The following FIRRM variants were observed in gnomAD, a reference collection of about 807,000 sequenced individuals.
FIRRM encodes FIGNL1-interacting regulator of recombination and mitosis.
At chr1:169,798,537 G>A in the FIRRM span, among the ~76,000 whole-genome samples, 2 of 151,916 alleles carry the variant, frequency 1.3e-5, no homozygotes, top group South Asian at 2.1e-4. Context: ...AAAGTGCTGG[G>A]ATTACAGGTG....
At chr1:169,847,902 A>G in the FIRRM span, 4 of 738,570 alleles carry the variant, frequency 5.4e-6, no homozygotes, top group African/African-American at 1.8e-5. Context: ...TTTTGCAATT[A>G]CTGACAAAGT....
chr1:169,821,690 C>G, the FIRRM span: 1 of 1,610,076 alleles, frequency 6.2e-7, no homozygotes, highest in Non-Finnish European at 8.5e-7. Context: ...ATAATGCTGA[C>G]TACAGATTAT....
At chr1:169,836,852 T>C in the FIRRM span, 1 of 1,065,680 alleles carries the variant, frequency 9.4e-7, no homozygotes, top group South Asian at 1.7e-5. Flanking sequence ...ATGTGGAAAC[T>C]AATACTTAGC....
chr1:169,843,562 T>C, the FIRRM span: 1 of 656,452 alleles, frequency 1.5e-6, no homozygotes, highest in Non-Finnish European at 2.7e-6. Flanking sequence ...AGGTAATAAA[T>C]ATAAAATACT....
At chr1:169,792,735 A>G in the FIRRM span, 2 of 1,613,788 alleles carry the variant, frequency 1.2e-6, no homozygotes, top group African/African-American at 2.7e-5. Context: ...TTGCTGGCCA[A>G]AAGTACACGT....
chr1:169,837,941 A>T, the FIRRM span, among the ~76,000 whole-genome samples: 4 of 152,210 alleles, frequency 2.6e-5, no homozygotes, highest in South Asian at 4.1e-4. Context: ...CATAATTATT[A>T]TAATTTTTTG....
At chr1:169,792,721 T>C in the FIRRM span, 1 of 1,613,910 alleles carries the variant, frequency 6.2e-7, no homozygotes, top group Non-Finnish European at 8.5e-7. Context: ...CAAAATAATG[T>C]GCTTTGCTGG....
the FIRRM span, among the ~76,000 whole-genome samples, chr1:169,841,603 CA>C: frequency 6.6e-6 from 1 of 152,084 alleles, no homozygotes; most frequent in Non-Finnish European, 1.5e-5. Flanking sequence ...AAAGTTAATC[CA>C]GAAAACATTG....
the FIRRM span, among the ~76,000 whole-genome samples, chr1:169,841,072 C>T: frequency 9.9e-5 from 15 of 152,234 alleles, no homozygotes; most frequent in Non-Finnish European, 1.2e-4. Flanking sequence ...TTCAGTACGA[C>T]GTTGGCTGTG....
At chr1:169,838,247 A>AG in the FIRRM span, among the ~76,000 whole-genome samples, 1 of 152,194 alleles carries the variant, frequency 6.6e-6, no homozygotes, top group East Asian at 1.9e-4. Context: ...GCTTATCCAA[A>AG]GGAAATGTTT....
the FIRRM span, among the ~76,000 whole-genome samples, chr1:169,785,305 A>G: frequency 6.6e-5 from 10 of 152,170 alleles, no homozygotes; most frequent in African/African-American, 2.4e-4. Flanking sequence ...TGAAAGCCCA[A>G]GTGGGCATGT....
At chr1:169,847,601 C>G in the FIRRM span, 1 of 945,260 alleles carries the variant, frequency 1.1e-6, no homozygotes, top group Non-Finnish European at 1.6e-6. Flanking sequence ...TTCCCCTCCC[C>G]ACATTTCCAT....
chr1:169,843,968 T>C, the FIRRM span, among the ~76,000 whole-genome samples: 8 of 152,210 alleles, frequency 5.3e-5, no homozygotes, highest in Non-Finnish European at 8.8e-5. Flanking sequence ...ATTCAGCCTT[T>C]ATCTGTTCTT....
At chr1:169,853,489 C>T in the FIRRM span, 1 of 496,484 alleles carries the variant, frequency 2.0e-6, no homozygotes, top group East Asian at 3.3e-5. Context: ...TGCACAAAGG[C>T]TCTTCCTCCT....
the FIRRM span, chr1:169,832,464 A>T: frequency 1.9e-6 from 3 of 1,613,748 alleles, no homozygotes; most frequent in Non-Finnish European, 2.5e-6. Flanking sequence ...ACCTATCAAT[A>T]CTGTTGAAGC....
the FIRRM span, chr1:169,784,829 T>C: frequency 1.3e-5 from 2 of 152,200 alleles, no homozygotes; most frequent in Non-Finnish European, 2.9e-5. Flanking sequence ...TGAGTTACTA[T>C]ACAACACAAG....
At chr1:169,824,408 A>T in the FIRRM span, among the ~76,000 whole-genome samples, 1 of 152,198 alleles carries the variant, frequency 6.6e-6, no homozygotes, top group African/African-American at 2.4e-5. Flanking sequence ...TGAGTATACA[A>T]ATATGCTGTT....
chr1:169,832,768 T>C, the FIRRM span, among the ~76,000 whole-genome samples: 1 of 151,996 alleles, frequency 6.6e-6, no homozygotes, highest in Non-Finnish European at 1.5e-5. Flanking sequence ...TACGCCTGGC[T>C]AATTTTTAAA....
chr1:169,847,340 A>G, the FIRRM span, among the ~76,000 whole-genome samples: 1,205 of 135,132 alleles, frequency 8.9e-3, 5 homozygotes, highest in African/African-American at 0.014. Context: ...AAAAAAAAAA[A>G]GCAGTATCTT....
Sources: allele counts gnomAD v4.1 joint callset (sites outside exome capture counted in the v4.1 genomes callset), GRCh38; gene constraint gnomAD v4.1.1; transcripts MANE v1.5; gene names NCBI Gene and HGNC (gene_info 2026-07-23, HGNC 2026-07-21).